The following PIEZO2 variants were observed in gnomAD, a reference collection of about 807,000 sequenced individuals.
The protein encoded by PIEZO2 is piezo-type mechanosensitive ion channel component 2.
A neutral mutation model predicts 337.3 loss-of-function variants in PIEZO2; 172 were observed. The ratio of observed to expected loss-of-function variants is 0.51; its 90% confidence interval spans 0.45 to 0.58. The LOEUF is 0.58. Ranked by LOEUF, PIEZO2 falls within the 20% of genes least tolerant of loss-of-function variation. The pLI is 0.00. For synonymous variants in PIEZO2, 1,251 were observed against 1,228.5 expected (o/e 1.02, Z -0.38); for missense variants, 3,028 against 3,391.3 (o/e 0.89, Z 2.66).
chr18:10,761,156 A>T (rs1473058162), intron 23 of PIEZO2, 45 bp from the exon 24 acceptor site: 8 of 1,485,698 alleles, frequency 5.4e-6, no homozygotes, highest in Non-Finnish European at 7.3e-6. Flanking sequence ...AGGCTTTATG[A>T]TTTGGTAATT....
In PIEZO2 at chr18:10,954,268, G is replaced by C. The variant is rs1309728025; in HGVS notation, c.286+25267C>G. On this transcript the variant is annotated intron_variant, in intron 3 of 55. Transcript: ENST00000674853. The surrounding 1 kb of genome is among the most constrained non-coding windows in gnomAD (Gnocchi z 4.2). ...TGTTGAACCTATAGATCAGTTTAGA[G>C]AGAAAGGACATTTTAACAACAGTGA... 6.6e-6 allele frequency among the ~76,000 whole-genome samples: 1 copy of C among 152,166 alleles called. No homozygotes were observed. Among genetic ancestry groups the C allele is most frequent in the African/African-American group, 2.4e-5 (1 of 41,432 alleles).
chr18:11,147,909 A>C (rs1237045684), intron 1 of PIEZO2, among the ~76,000 whole-genome samples: 1 of 152,220 alleles, frequency 6.6e-6, no homozygotes, highest in African/African-American at 2.4e-5. Context: ...GGGAGGCGGG[A>C]CTAGGTGTTG....
At chr18:10,718,281 G>C (rs945802929) in intron 36 of PIEZO2, 22 bp from the exon 37 acceptor site, 1 of 1,528,586 alleles carries the variant, frequency 6.5e-7, no homozygotes, top group African/African-American at 1.4e-5. Flanking sequence ...GTTCAATAAA[G>C]ATGAGTTAAA....
chr18:10,788,506 A>G (rs35199005), intron 15 of PIEZO2, among the ~76,000 whole-genome samples: 64 of 149,774 alleles, frequency 4.3e-4, no homozygotes, highest in African/African-American at 1.4e-3. Flanking sequence ...AATTTTACAG[A>G]TTTTTTTTGA....
In PIEZO2 at chr18:11,009,946, C is replaced by G. The variant is rs1205308671; in HGVS notation, c.161-30286G>C. ...CTCAAGACACCTTGATCTCAAATAT[C>G]CAGCCTCCAGAATGGTGAGATAATA... On this transcript the variant is annotated intron_variant, in intron 2 of 55. Coordinates refer to ENST00000674853, the MANE Select transcript of PIEZO2 (RefSeq NM_001378183.1). The surrounding 1 kb of genome is among the most constrained non-coding windows in gnomAD (Gnocchi z 4.6). Among the ~76,000 whole-genome samples the G allele has an allele frequency of 1.3e-5, 2 of 152,146 alleles. No homozygotes were observed. Among genetic ancestry groups the G allele is most frequent in the Admixed American group, 1.3e-4 (2 of 15,278 alleles).
intron 38 of PIEZO2, among the ~76,000 whole-genome samples, chr18:10,715,181 C>T (rs1346241029): frequency 6.6e-6 from 1 of 152,188 alleles, no homozygotes; most frequent in East Asian, 1.9e-4. Flanking sequence ...AAGATATGAA[C>T]TATTATTTTA....
intron 42 of PIEZO2, 193 bp downstream of exon 42, chr18:10,704,201 G>T: frequency 1.4e-6 from 1 of 730,106 alleles, no homozygotes; most frequent in Non-Finnish European, 2.2e-6. Flanking sequence ...AAGATTTTTA[G>T]AATTGCGAGT....
At chr18:10,843,388 T>A (rs930193904) in intron 7 of PIEZO2, among the ~76,000 whole-genome samples, 1 of 152,118 alleles carries the variant, frequency 6.6e-6, no homozygotes, top group Admixed American at 6.6e-5. Context: ...TCTCAAAAGA[T>A]CTCTTTAGAT....
At chr18:10,706,768 AC>A (rs1338349080) in intron 40 of PIEZO2, among the ~76,000 whole-genome samples, 1 of 152,096 alleles carries the variant, frequency 6.6e-6, no homozygotes, top group Non-Finnish European at 1.5e-5. Context: ...CCAGCCACGG[AC>A]GGGAGAGGGG....
chr18:10,761,979 A>G (rs1223370709), intron 23 of PIEZO2, among the ~76,000 whole-genome samples: 1 of 152,302 alleles, frequency 6.6e-6, no homozygotes, highest in East Asian at 1.9e-4. Context: ...GTTTTATTTT[A>G]TTACTTCTAG....
intron 2 of PIEZO2, among the ~76,000 whole-genome samples, chr18:11,014,273 C>G: frequency 6.8e-6 from 1 of 147,260 alleles, no homozygotes; most frequent in East Asian, 2.0e-4. Context: ...ATCCAAGGCC[C>G]TCTCATTCCT....
chr18:10,885,747 T>C (rs981515689), intron 4 of PIEZO2, among the ~76,000 whole-genome samples: 8 of 152,178 alleles, frequency 5.3e-5, no homozygotes, highest in Non-Finnish European at 7.3e-5. Flanking sequence ...CGCTTCTCGC[T>C]TTCCTGAATT....
chr18:10,970,660 TCACA>T (rs71169962), intron 3 of PIEZO2, among the ~76,000 whole-genome samples: 11,870 of 137,332 alleles, frequency 0.086, 742 homozygotes, highest in African/African-American at 0.17. Context: ...AAAAGATGTT[TCACA>T]CACACACACA....
chr18:10,728,975 C>A (rs201850125), intron 36 of PIEZO2, among the ~76,000 whole-genome samples: 4,500 of 124,394 alleles, frequency 0.036, 82 homozygotes, highest in South Asian at 0.053. Context: ...AAAAAAAAAA[C>A]AAAAACCAAT....
At chr18:10,887,054 G>A (rs2042626725) in intron 4 of PIEZO2, among the ~76,000 whole-genome samples, 1 of 147,312 alleles carries the variant, frequency 6.8e-6, no homozygotes, top group African/African-American at 2.5e-5. Flanking sequence ...GGAGAGTGGG[G>A]AGGTGACACA....
At chr18:10,923,678 T>A (rs540623013) in intron 3 of PIEZO2, among the ~76,000 whole-genome samples, 1 of 152,358 alleles carries the variant, frequency 6.6e-6, no homozygotes, top group Non-Finnish European at 1.5e-5. Context: ...TCAGAGTAGC[T>A]TGCTATTGCA....
At chr18:10,983,027 A>G (rs932975823) in intron 2 of PIEZO2, among the ~76,000 whole-genome samples, 1 of 152,192 alleles carries the variant, frequency 6.6e-6, no homozygotes, top group African/African-American at 2.4e-5. Context: ...GGCCAAAACC[A>G]TAAGTTTAAA....
intron 2 of PIEZO2, among the ~76,000 whole-genome samples, chr18:11,052,786 T>C (rs902139951): frequency 6.6e-6 from 1 of 152,222 alleles, no homozygotes; most frequent in African/African-American, 2.4e-5. Flanking sequence ...CTTAATATGA[T>C]ATATTATCTA....
chr18:10,705,008 C>A (rs1037233222), intron 41 of PIEZO2, among the ~76,000 whole-genome samples: 2 of 152,154 alleles, frequency 1.3e-5, no homozygotes, highest in African/African-American at 4.8e-5. Context: ...TCTTTAATTT[C>A]TCCAAATTAC....
Sources: allele counts gnomAD v4.1 joint callset (sites outside exome capture counted in the v4.1 genomes callset), GRCh38; gene constraint gnomAD v4.1.1; non-coding constraint Gnocchi (gnomAD v3.1); transcripts MANE v1.5; gene names NCBI Gene and HGNC (gene_info 2026-07-23, HGNC 2026-07-21).